Variants in NFATC3 observed in about 807,000 individuals in gnomAD.
The protein encoded by NFATC3 is nuclear factor of activated T cells 3.
NFATC3 carries 46 observed loss-of-function variants against 98.6 expected under a neutral mutation model. That is an observed-to-expected ratio of 0.47 (90% CI 0.37 to 0.60). The LOEUF (loss-of-function observed/expected upper bound fraction) is 0.60. Among genes scored for constraint, NFATC3 ranks in the 20% least tolerant of loss-of-function variants. NFATC3 has a pLI of 0.00. For synonymous variants in NFATC3, 512 were observed against 472.2 expected (o/e 1.08, Z -1.09); for missense variants, 1,256 against 1,295.5 (o/e 0.97, Z 0.47).
chr16:68,140,078 C>T (rs2037668694), intron 3 of NFATC3, among the ~76,000 whole-genome samples: 1 of 152,188 alleles, frequency 6.6e-6, no homozygotes, highest in African/African-American at 2.4e-5. Context: ...CTCACTGCAA[C>T]CTCTGCCTCC....
chr16:68,217,911 TGGGTGTCA>T, intron 9 of NFATC3: 1 of 1,226,154 alleles, frequency 8.2e-7, no homozygotes, highest in Non-Finnish European at 1.0e-6. Flanking sequence ...ACTCTGTAGC[TGGGTGTCA>T]GTGTGACTAA....
intron 3 of NFATC3, among the ~76,000 whole-genome samples, chr16:68,150,139 A>G (rs536308780): frequency 6.6e-6 from 1 of 152,260 alleles, no homozygotes; most frequent in South Asian, 2.1e-4. Context: ...TTTGGTGGTT[A>G]TATCCTGAGG....
intron 9 of NFATC3, chr16:68,221,365 C>G: frequency 6.3e-7 from 1 of 1,578,124 alleles, no homozygotes; most frequent in Non-Finnish European, 8.6e-7. Context: ...GATTAACACT[C>G]GGCTCAAGTT....
chr16:68,120,459 A>G (rs2036510987), intron 1 of NFATC3, among the ~76,000 whole-genome samples: 1 of 151,190 alleles, frequency 6.6e-6, no homozygotes, highest in African/African-American at 2.4e-5. Context: ...GGCACCTGTA[A>G]TTCCAGCTAC....
intron 3 of NFATC3, among the ~76,000 whole-genome samples, chr16:68,146,543 T>G (rs1320074396): frequency 1.4e-4 from 22 of 152,244 alleles, no homozygotes; most frequent in Non-Finnish European, 8.8e-5. Context: ...ATTTTTTCAT[T>G]TTTATGCATA....
chr16:68,228,263 G>C lies in NFATC3; in HGVS notation c.*1792G>C, dbSNP rs567162233. 1 of 152,336 alleles carries C rather than the reference G, an allele frequency of 6.6e-6. No homozygotes were observed. Among genetic ancestry groups the C allele is most frequent in the South Asian group, 2.1e-4 (1 of 4,824 alleles). The allele number at this position is 152,336 out of a possible 1,614,324, so 9.4% of individuals were successfully genotyped here. On this transcript the variant is annotated 3_prime_UTR_variant, in exon 10 of 10. Transcript: ENST00000346183. ...CAAATTTTCTTGAAAAGTGAGTTGT[G>C]TCACAGAATGTGGATAGTGAGATTT...
intron 4 of NFATC3, among the ~76,000 whole-genome samples, chr16:68,166,607 T>TA: frequency 6.6e-6 from 1 of 152,346 alleles, no homozygotes; most frequent in Admixed American, 6.5e-5. Context: ...AGTACTGGAA[T>TA]GAAGAGGAAT....
intron 8 of NFATC3, among the ~76,000 whole-genome samples, chr16:68,187,789 A>G (rs978757138): frequency 7.4e-4 from 112 of 152,232 alleles, no homozygotes; most frequent in African/African-American, 2.6e-3. Flanking sequence ...TGGGGGGGCC[A>G]TGGGTGGGCC....
chr16:68,123,149 AT>A, intron 2 of NFATC3, 28 bp downstream of exon 2: 1 of 1,569,862 alleles, frequency 6.4e-7, no homozygotes, highest in Non-Finnish European at 8.6e-7. Context: ...GCTGCTGGTC[AT>A]TTTTCATGTT....
intron 4 of NFATC3, among the ~76,000 whole-genome samples, chr16:68,163,550 C>T (rs1388297138): frequency 6.6e-6 from 1 of 151,752 alleles, no homozygotes; most frequent in Non-Finnish European, 1.5e-5. Context: ...GGCTGACCCC[C>T]ACCTCCCTCC....
At chr16:68,198,817 G>A (rs2151129591) in intron 9 of NFATC3, among the ~76,000 whole-genome samples, 1 of 152,280 alleles carries the variant, frequency 6.6e-6, no homozygotes, top group East Asian at 1.9e-4. Context: ...GGGAGGCCAA[G>A]GCGGGCAGAT....
At chr16:68,146,369 A>G (rs1468164401) in intron 3 of NFATC3, among the ~76,000 whole-genome samples, 1 of 151,958 alleles carries the variant, frequency 6.6e-6, no homozygotes, top group Non-Finnish European at 1.5e-5. Context: ...CAGGAGTTTA[A>G]GGCCAGCCTG....
chr16:68,125,095 G>A (rs1407223594), intron 2 of NFATC3, among the ~76,000 whole-genome samples: 6 of 152,146 alleles, frequency 3.9e-5, no homozygotes, highest in Non-Finnish European at 8.8e-5. Flanking sequence ...ATAGAATTAT[G>A]GTAATGAAGA....
At chr16:68,128,055 C>A (rs894333261) in intron 3 of NFATC3, among the ~76,000 whole-genome samples, 5 of 151,722 alleles carry the variant, frequency 3.3e-5, no homozygotes, top group Non-Finnish European at 7.4e-5. Context: ...TGGGTTCTTT[C>A]ATGTTTGAAA....
rs528888837 is a variant in NFATC3 at position 68,085,761 on chromosome 16, C to A, written c.80C>A (p.Pro27Gln). The A allele has an allele frequency of 4.0e-6, 6 of 1,500,156 alleles. No homozygotes were observed. The highest frequency in any genetic ancestry group is 5.3e-6 in the Non-Finnish European group (6 of 1,129,618). The allele number at this position is 1,500,156 out of a possible 1,614,324, so 92.9% of individuals were successfully genotyped here. The part of the protein sequence containing the change: ...VFGEDGAPAP[P>Q]PPGSRPADLE... ...GGCGAGGACGGGGCGCCGGCGCCGCCGCCCCCGGGCTCGCGGCCTGCAGGT... is the reference window on the plus strand; with the variant it reads ...GGCGAGGACGGGGCGCCGGCGCCGCAGCCCCCGGGCTCGCGGCCTGCAGGT... The change falls in exon 1 of 10, where the codon CCG becomes CAG. Residue 27 changes from proline (P) to glutamine (Q), a missense_variant. By Grantham distance (76) the Pro-to-Gln change is moderately conservative. Coordinates refer to ENST00000346183, the MANE Select transcript of NFATC3 (RefSeq NM_173165.3).
intron 3 of NFATC3, among the ~76,000 whole-genome samples, chr16:68,145,123 TTCTC>T (rs1196367391): frequency 1.3e-4 from 20 of 151,408 alleles, no homozygotes; most frequent in East Asian, 1.2e-3. Flanking sequence ...CAACTTTTCT[TTCTC>T]TCTCTCTTTT....
chr16:68,142,149 G>A (rs920235730), intron 3 of NFATC3, among the ~76,000 whole-genome samples: 16 of 152,106 alleles, frequency 1.1e-4, no homozygotes, highest in African/African-American at 3.9e-4. Flanking sequence ...TGTCTACTCT[G>A]TTCTATTAAT....
chr16:68,196,071 A>G (rs1415751388), intron 9 of NFATC3, among the ~76,000 whole-genome samples: 2 of 151,966 alleles, frequency 1.3e-5, no homozygotes, highest in African/African-American at 2.4e-5. Flanking sequence ...TTGGCTGTAT[A>G]ATTTTTGCAA....
At chr16:68,223,422 G>A (rs1036311782) in intron 9 of NFATC3, among the ~76,000 whole-genome samples, 1 of 152,134 alleles carries the variant, frequency 6.6e-6, no homozygotes, top group African/African-American at 2.4e-5. Context: ...TTATTAGGTT[G>A]GTGCAGAAGT....
Sources: allele counts gnomAD v4.1 joint callset (sites outside exome capture counted in the v4.1 genomes callset), GRCh38; gene constraint gnomAD v4.1.1; transcripts MANE v1.5; gene names NCBI Gene and HGNC (gene_info 2026-07-23, HGNC 2026-07-21).